Variants in GSPT1 observed in about 807,000 individuals in gnomAD.
GSPT1 encodes the protein G1 to S phase transition 1.
A neutral mutation model predicts 72.5 loss-of-function variants in GSPT1; 20 were observed. That is an observed-to-expected ratio of 0.28 (90% CI 0.19 to 0.40). The LOEUF is 0.40. GSPT1 is among the 10% of genes least tolerant of loss of function. The probability of loss-of-function intolerance (pLI) is 1.00; values close to 1 mark genes in which losing one functional copy is unlikely to be tolerated. For synonymous variants in GSPT1, 334 were observed against 293.5 expected (o/e 1.14, Z -1.41); for missense variants, 580 against 811.9 (o/e 0.71, Z 3.47).
At chr16:11,895,199 C>T (rs575609356) in intron 4 of GSPT1, 14 of 415,980 alleles carry the variant, frequency 3.4e-5, no homozygotes, top group Non-Finnish European at 5.8e-5. Context: ...GGGAGGCCAG[C>T]GAGGGCGGAT....
intron 10 of GSPT1, 50 bp from the exon 11 acceptor site, chr16:11,883,145 A>AT (rs2054142406): frequency 2.7e-6 from 3 of 1,130,020 alleles, no homozygotes; most frequent in Non-Finnish European, 4.0e-6. Flanking sequence ...GGTGCTGTAT[A>AT]ACAGCTCAAT....
rs767795738 is a variant in GSPT1 at position 11,915,566 on chromosome 16, G to A, written c.155C>T (p.Ala52Val). The change falls in exon 1 of 15, where the codon GCG (alanine) becomes GTG (valine). Residue 52 changes from alanine (A) to valine (V), a missense_variant. By Grantham distance (64) the Ala-to-Val change is moderately conservative. This residue lies in a region of GSPT1 where 327 missense variants were observed against 298.8 expected (regional missense o/e 1.09). Coordinates refer to ENST00000434724, the MANE Select transcript of GSPT1 (RefSeq NM_002094.4). The stretch of plus-strand genomic sequence containing the variant: ...GTTCTCCCGCTGGGCCTCGGCCGCC[G>A]CCGCCAGGGAGCCGCCGCCGCCGCA... ...GPCGGGGSLA[A>V]AAEAQRENLS... The A allele has an allele frequency of 1.6e-5, 24 of 1,490,192 alleles. No individual in the cohort carries two copies. In the South Asian group the frequency reaches 2.9e-4, roughly 18 times the overall value. The allele number at this position is 1,490,192 out of a possible 1,614,324, so 92.3% of individuals were successfully genotyped here.
chr16:11,915,393 C>CG lies in GSPT1; in HGVS notation c.327dup (p.Gly110ArgfsTer22). The CG allele has an allele frequency of 6.7e-7, 1 of 1,500,026 alleles. No homozygotes were observed. The highest frequency in any genetic ancestry group is 1.3e-5 in the South Asian group (1 of 78,644). The allele number at this position is 1,500,026 out of a possible 1,614,324, so 92.9% of individuals were successfully genotyped here. On this transcript the variant is annotated frameshift_variant, in exon 1 of 15. Coordinates refer to ENST00000434724, the MANE Select transcript of GSPT1 (RefSeq NM_002094.4). LOFTEE classifies it high-confidence loss of function. ...CCCGCACGGCCTCCCGCGCCGCTGC[C>CG]GGCTCCGTGGTTATTGGCGGCGCCG...
chr16:11,915,677 C>A lies in GSPT1; in HGVS notation c.44G>T (p.Gly15Val). 1 of 1,293,208 alleles carries A rather than the reference C, an allele frequency of 7.7e-7. No homozygotes were observed. The highest frequency in any genetic ancestry group is 1.0e-6 in the Non-Finnish European group (1 of 965,546). 80.1% of individuals were successfully genotyped at this position (1,293,208 alleles called of 1,614,324 possible). The change falls in exon 1 of 15, where the codon GGC becomes GTC. Residue 15 changes from glycine to valine, a missense_variant. Around this residue, in one of 6 missense-constraint regions of GSPT1, gnomAD observed 327 missense variants for 298.8 expected, o/e 1.09. Transcript: ENST00000434724. Reference sequence around the variant, plus strand: ...GCTGCTGCTGCCGCTGCTGCTCCCGCCGCCGCCGCCGCCGCCGCCGCCGCC... The same window carrying A: ...GCTGCTGCTGCCGCTGCTGCTCCCGACGCCGCCGCCGCCGCCGCCGCCGCC... Reference protein sequence around the residue: ...SGGGGGGGGGGGSSSGSSSSD... With the variant: ...SGGGGGGGGGVGSSSGSSSSD...
intron 6 of GSPT1, among the ~76,000 whole-genome samples, chr16:11,888,755 C>G (rs1020393461): frequency 2.0e-5 from 3 of 151,880 alleles, no homozygotes; most frequent in Admixed American, 6.6e-5. Context: ...AGTGAGACTC[C>G]GTCTCAAAAA....
At chr16:11,901,105 C>G (rs1338686739) in intron 1 of GSPT1, among the ~76,000 whole-genome samples, 1 of 152,186 alleles carries the variant, frequency 6.6e-6, no homozygotes, top group Non-Finnish European at 1.5e-5. Context: ...TGCAATGAGA[C>G]CTGACTACAC....
rs1017226903 is a variant in GSPT1 at position 11,877,182 on chromosome 16, C to G, written c.1602+225G>C. Among the ~76,000 whole-genome samples the G allele has an allele frequency of 6.6e-5, 10 of 152,146 alleles. No homozygotes were observed. Among genetic ancestry groups the G allele is most frequent in the Non-Finnish European group, 1.5e-4 (10 of 68,024 alleles). On this transcript the variant is annotated intron_variant, in intron 12 of 14. Coordinates refer to ENST00000434724, the MANE Select transcript of GSPT1 (RefSeq NM_002094.4). The surrounding 1 kb of genome is among the most constrained non-coding windows in gnomAD (Gnocchi z 4.0). Reference sequence around the variant, plus strand: ...GAGATCAAACATAAAAAGGAACTTACAAAGAATACTCCTTATCCAGTAAGC... The same window carrying G: ...GAGATCAAACATAAAAAGGAACTTAGAAAGAATACTCCTTATCCAGTAAGC...
intron 11 of GSPT1, 72 bp downstream of exon 11, chr16:11,882,943 G>A (rs1383932887): frequency 3.2e-6 from 3 of 934,398 alleles, no homozygotes; most frequent in African/African-American, 1.6e-5. Context: ...GGTGACAGAA[G>A]AAGACCCTAT....
At chr16:11,884,019 T>C (rs1255878375) in intron 10 of GSPT1, among the ~76,000 whole-genome samples, 1 of 152,094 alleles carries the variant, frequency 6.6e-6, no homozygotes, top group East Asian at 1.9e-4. Flanking sequence ...TTTCCTCATA[T>C]ATAAAATTGG....
At chr16:11,914,137 G>A (rs1302681580) in intron 1 of GSPT1, among the ~76,000 whole-genome samples, 1 of 152,118 alleles carries the variant, frequency 6.6e-6, no homozygotes, top group Non-Finnish European at 1.5e-5. Flanking sequence ...CCCCACTAAC[G>A]TCCTGGCTAA....
At chr16:11,897,549 C>T (rs1386080491) in intron 3 of GSPT1, among the ~76,000 whole-genome samples, 1 of 152,168 alleles carries the variant, frequency 6.6e-6, no homozygotes, top group Non-Finnish European at 1.5e-5. Flanking sequence ...TGCACCACTA[C>T]ACTCCAGCCT....
chr16:11,875,687 G>C (rs2054039293), intron 14 of GSPT1, 74 bp downstream of exon 14: 1 of 1,051,472 alleles, frequency 9.5e-7, no homozygotes, highest in South Asian at 1.5e-5. Flanking sequence ...AATGTGTACT[G>C]TACTGAGATG....
chr16:11,915,888 C>T lies in GSPT1; in HGVS notation c.-168G>A, dbSNP rs2054630767. 1.0e-6 allele frequency: 1 copy of T among 993,862 alleles called. No individual in the cohort carries two copies. Among genetic ancestry groups the T allele is most frequent in the East Asian group, 2.5e-5 (1 of 40,570 alleles). The allele number at this position is 993,862 out of a possible 1,614,324, so 61.6% of individuals were successfully genotyped here. On this transcript the variant is annotated 5_prime_UTR_variant, in exon 1 of 15. Transcript: ENST00000434724. ...GCCGCGGCAGCAGCTCCAGTCCCGA[C>T]TCCACACTCGCGACGACGACAGAGG...
chr16:11,905,663 C>A (rs926282254), intron 1 of GSPT1, among the ~76,000 whole-genome samples: 3 of 151,992 alleles, frequency 2.0e-5, no homozygotes, highest in African/African-American at 7.3e-5. Context: ...GGTGAAACCC[C>A]GTCTCTACTA....
At position 11,903,647 on chromosome 16, in the gene GSPT1, C is replaced by T. The variant is rs769668949; in HGVS notation, c.353-5612G>A. Among the ~76,000 whole-genome samples, 5 of 152,184 alleles carry T rather than the reference C, an allele frequency of 3.3e-5. No individual in the cohort carries two copies. The South Asian group carries it at 6.2e-4, about 19-fold the overall frequency. The stretch of plus-strand genomic sequence containing the variant: ...GGGAGGCTGCAGTGAACCAAGATCG[C>T]ACCACTGCACTCCAACCTGGACCAC... On this transcript the variant is annotated intron_variant, in intron 1 of 14. Transcript: ENST00000434724.
At chr16:11,913,946 T>C (rs1013205096) in intron 1 of GSPT1, among the ~76,000 whole-genome samples, 6 of 152,166 alleles carry the variant, frequency 3.9e-5, no homozygotes, top group African/African-American at 1.4e-4. Context: ...CATCAGAGTG[T>C]TTCTCCAGAC....
intron 1 of GSPT1, among the ~76,000 whole-genome samples, chr16:11,912,601 T>G (rs2054574856): frequency 3.9e-5 from 6 of 152,210 alleles, no homozygotes; most frequent in Admixed American, 3.9e-4. Context: ...ACATCATTAC[T>G]TTAGAAGCTC....
chr16:11,876,219 A>AAG, intron 12 of GSPT1, 44 bp from the exon 13 acceptor site: 1 of 1,196,540 alleles, frequency 8.4e-7, no homozygotes, highest in Non-Finnish European at 1.2e-6. Flanking sequence ...CCTTAGGGTA[A>AAG]ATAAGAATTC....
intron 12 of GSPT1, among the ~76,000 whole-genome samples, chr16:11,876,591 ACAAT>A (rs1204499829): frequency 1.3e-5 from 2 of 152,038 alleles, no homozygotes; most frequent in Non-Finnish European, 1.5e-5. Context: ...AAAATACAAA[ACAAT>A]CAGCCAGGCG....
Sources: gnomAD v4.1 joint callset for allele counts (sites outside exome capture counted in the v4.1 genomes callset) on GRCh38, gnomAD v4.1.1 for gene constraint, gnomAD v4.1.1 regional missense constraint, Gnocchi (gnomAD v3.1) non-coding constraint, MANE v1.5 for transcripts, NCBI Gene and HGNC (gene_info 2026-07-23, HGNC 2026-07-21) for gene names.